The following LY9 variants were observed in gnomAD, a reference collection of about 807,000 sequenced individuals.
LY9 encodes T-lymphocyte surface antigen Ly-9.
A neutral mutation model predicts 64.6 loss-of-function variants in LY9; 59 were observed. The observed-to-expected ratio is 0.91, with a 90% confidence interval of 0.74 to 1.13. The LOEUF (loss-of-function observed/expected upper bound fraction) is 1.13, where lower values mean the gene tolerates loss of function less well. Among genes scored for constraint, LY9 ranks in the 50% most tolerant of loss-of-function variants. The probability of loss-of-function intolerance (pLI) is 0.00; values close to 1 mark genes in which losing one functional copy is unlikely to be tolerated. For synonymous variants in LY9, 281 were observed against 308.5 expected (o/e 0.91, Z 0.93); for missense variants, 789 against 797.2 (o/e 0.99, Z 0.12).
intron 3 of LY9, 55 bp from the exon 4 acceptor site, chr1:160,814,365 G>A: frequency 7.2e-7 from 1 of 1,380,402 alleles, no homozygotes; most frequent in Non-Finnish European, 1.0e-6. Context: ...GATGCCTGGG[G>A]GCCAAGGGAG....
At chr1:160,809,801 A>T (rs1395114655) in intron 2 of LY9, 1 of 152,226 alleles carries the variant, frequency 6.6e-6, no homozygotes, top group Non-Finnish European at 1.5e-5. Context: ...TTTGTTGATA[A>T]ATTGAGTAGT....
intron 7 of LY9, among the ~76,000 whole-genome samples, chr1:160,820,350 T>C (rs1203178194): frequency 6.6e-6 from 1 of 152,072 alleles, no homozygotes; most frequent in Non-Finnish European, 1.5e-5. Context: ...CACCTTAAAC[T>C]CTGGAGCTCT....
chr1:160,805,088 C>A (rs1666849918), intron 2 of LY9, among the ~76,000 whole-genome samples: 1 of 151,648 alleles, frequency 6.6e-6, no homozygotes, highest in South Asian at 2.1e-4. Context: ...TTTTTTAGTC[C>A]CTACTTCATC....
Position 160,802,500 on chromosome 1 carries a change from G to A in LY9, c.454+2418G>A, listed in dbSNP as rs371773743. 2.9e-5 allele frequency: 29 copies of A among 985,606 alleles called. No homozygotes were observed. In the East Asian group the frequency reaches 1.2e-3, roughly 42 times the overall value. The allele number at this position is 985,606 out of a possible 1,614,324, so 61.1% of individuals were successfully genotyped here. On this transcript the variant is annotated intron_variant, in intron 2 of 9. Transcript: ENST00000263285. ...ATGCGGAGCTGGCCTCCAACCCTGC[G>A]GGCCGCGCCAGGCACCAACTCAGTG...
chr1:160,796,419 A>G, intron 1 of LY9, 108 bp downstream of exon 1: 1 of 1,349,714 alleles, frequency 7.4e-7, no homozygotes, highest in African/African-American at 1.5e-5. Context: ...TTTTTAACGG[A>G]GTCTCACTCT....
intron 9 of LY9, 118 bp downstream of exon 9, chr1:160,824,367 A>G (rs1015166502): frequency 1.3e-6 from 2 of 1,513,414 alleles, no homozygotes; most frequent in Non-Finnish European, 1.8e-6. Context: ...TCTACCCACT[A>G]TGCACCCCTC....
chr1:160,799,999 A>G lies in LY9; in HGVS notation c.371A>G (p.Asn124Ser), dbSNP rs1666292549. The G allele has an allele frequency of 3.7e-6, 6 of 1,614,204 alleles. No homozygotes were observed. In the East Asian group the frequency reaches 8.9e-5, roughly 24 times the overall value. Residue 124 changes from asparagine to serine, a missense_variant, in exon 2 of 10, where the codon AAT (asparagine) becomes AGT (serine). Coordinates refer to ENST00000263285, the MANE Select transcript of LY9 (RefSeq NM_002348.4). ...CTGTGCATCAGCAATCTGACTCTGA[A>G]TGATGCAGGATCCTACAAAGCCCAG... ...YSLCISNLTL[N>S]DAGSYKAQIN...
At position 160,799,753 on chromosome 1, in the gene LY9, G is replaced by T. The variant is rs1326112547; in HGVS notation, c.125G>T (p.Gly42Val). 3.7e-6 allele frequency: 6 copies of T among 1,608,804 alleles called. No homozygotes were observed. The highest frequency in any genetic ancestry group is 5.1e-6 in the Non-Finnish European group (6 of 1,176,330). ...CCAAGTCCCTCTTCTATCTCTGCAG[G>T]ACTAAGAGCCTCTGGAAAGGACTCA... is the stretch of plus-strand genomic sequence containing the variant. ...LQTSLLFLLMGLRASGKDSAP... is the reference protein window; with the variant it reads ...LQTSLLFLLMVLRASGKDSAP... Residue 42 changes from glycine to valine, a missense_variant and splice_region_variant, in exon 2 of 10, where the codon GGA becomes GTA. By Grantham distance (109) the Gly-to-Val change is moderately radical. Coordinates refer to ENST00000263285, the MANE Select transcript of LY9 (RefSeq NM_002348.4).
At chr1:160,826,302 G>T (rs1202167044) in intron 9 of LY9, among the ~76,000 whole-genome samples, 1 of 152,074 alleles carries the variant, frequency 6.6e-6, no homozygotes, top group African/African-American at 2.4e-5. Context: ...GAGTGGTAGA[G>T]GTAAAAGAGG....
chr1:160,802,104 C>A (rs1323775204), intron 2 of LY9: 7 of 1,373,208 alleles, frequency 5.1e-6, no homozygotes, highest in Non-Finnish European at 6.6e-6. Flanking sequence ...TCGGGAACAC[C>A]GGAGCCGCCA....
At chr1:160,816,343 GTCTT>G (rs1173302446) in intron 4 of LY9, among the ~76,000 whole-genome samples, 2 of 152,186 alleles carry the variant, frequency 1.3e-5, no homozygotes. Context: ...ATGAGGTTGT[GTCTT>G]TCTTTCTTCA....
intron 1 of LY9, 83 bp downstream of exon 1, chr1:160,796,394 T>TC (rs1665863246): frequency 6.8e-7 from 1 of 1,479,846 alleles, no homozygotes; most frequent in African/African-American, 1.4e-5. Context: ...AGATTCTTTT[T>TC]TTTGTTTTTT....
At chr1:160,817,732 T>C (rs1375920679) in intron 5 of LY9, among the ~76,000 whole-genome samples, 1 of 152,204 alleles carries the variant, frequency 6.6e-6, no homozygotes, top group African/African-American at 2.4e-5. Context: ...GGTCACACCA[T>C]AAAAGCTGGT....
chr1:160,805,235 A>G (rs1234499378), intron 2 of LY9, among the ~76,000 whole-genome samples: 1 of 149,836 alleles, frequency 6.7e-6, no homozygotes, highest in Non-Finnish European at 1.5e-5. Context: ...GTAGGCATTT[A>G]TTTCTATAAA....
At chr1:160,816,894 C>T (rs1374412126) in intron 5 of LY9, 31 bp downstream of exon 5, 3 of 1,612,034 alleles carry the variant, frequency 1.9e-6, no homozygotes, top group Non-Finnish European at 2.5e-6. Flanking sequence ...ACTCAGGTCA[C>T]AGGACCTTGG....
intron 9 of LY9, among the ~76,000 whole-genome samples, chr1:160,827,146 A>C (rs900448439): frequency 1.1e-4 from 16 of 152,204 alleles, no homozygotes; most frequent in African/African-American, 3.6e-4. Context: ...CTTGATCTGG[A>C]AATTCTCAAA....
At chr1:160,809,538 A>C (rs985170202) in intron 2 of LY9, among the ~76,000 whole-genome samples, 1 of 151,796 alleles carries the variant, frequency 6.6e-6, no homozygotes, top group Non-Finnish European at 1.5e-5. Flanking sequence ...TTATTATTTT[A>C]TTTTGTAGAG....
At chr1:160,827,722 T>A (rs376985480) in intron 9 of LY9, 26 bp from the exon 10 acceptor site, 1 of 1,584,234 alleles carries the variant, frequency 6.3e-7, no homozygotes, top group Non-Finnish European at 8.6e-7. Flanking sequence ...ATTAACCATA[T>A]TCTTTTGTGG....
intron 3 of LY9, 104 bp from the exon 4 acceptor site, chr1:160,814,316 A>G (rs1160005466): frequency 3.6e-6 from 3 of 835,968 alleles, no homozygotes; most frequent in Non-Finnish European, 5.8e-6. Flanking sequence ...GAGAAAGAGG[A>G]AGAGGAGGAG....
Sources: gnomAD v4.1 joint callset for allele counts (sites outside exome capture counted in the v4.1 genomes callset) on GRCh38, gnomAD v4.1.1 for gene constraint, MANE v1.5 for transcripts, NCBI Gene and HGNC (gene_info 2026-07-23, HGNC 2026-07-21) for gene names.